Variants in CSMD1 observed in about 807,000 individuals in gnomAD.
CSMD1 encodes CUB and sushi domain-containing protein 1.
In CSMD1, 213 loss-of-function variants were observed where a neutral mutation model predicts 417.5. The ratio of observed to expected loss-of-function variants is 0.51; its 90% confidence interval spans 0.46 to 0.57. The LOEUF (loss-of-function observed/expected upper bound fraction) is 0.57, where lower values mean the gene tolerates loss of function less well. Among genes scored for constraint, CSMD1 ranks in the 20% least tolerant of loss-of-function variants. CSMD1 has a pLI of 0.00. For synonymous variants in CSMD1, 2,862 were observed against 1,736.8 expected (o/e 1.65, Z -16.11); for missense variants, 6,923 against 4,529.7 (o/e 1.53, Z -15.17).
intron 2 of CSMD1, among the ~76,000 whole-genome samples, chr8:4,458,744 C>G (rs185782388): frequency 1.8e-3 from 268 of 152,200 alleles, no homozygotes; most frequent in African/African-American, 6.1e-3. Flanking sequence ...CCTTTTGTTA[C>G]TTACAAAAAC....
intron 3 of CSMD1, among the ~76,000 whole-genome samples, chr8:4,171,708 A>G (rs937922740): frequency 2.0e-5 from 3 of 149,458 alleles, no homozygotes; most frequent in Non-Finnish European, 4.4e-5. Flanking sequence ...GCTTATTCTG[A>G]TATTTATGTG....
intron 1 of CSMD1, among the ~76,000 whole-genome samples, chr8:4,923,242 C>T (rs1347558042): frequency 2.0e-5 from 3 of 152,148 alleles, no homozygotes; most frequent in African/African-American, 7.2e-5. Flanking sequence ...CATTAAACAG[C>T]TGTCCTTTCT....
At chr8:3,081,273 G>A (rs149392242) in intron 49 of CSMD1, among the ~76,000 whole-genome samples, 4 of 152,050 alleles carry the variant, frequency 2.6e-5, no homozygotes, top group Admixed American at 6.5e-5. Context: ...GGAGAAGAAC[G>A]AATGTCCTTT....
chr8:3,701,080 G>C (rs1007401595), intron 7 of CSMD1, among the ~76,000 whole-genome samples: 2 of 152,000 alleles, frequency 1.3e-5, no homozygotes, highest in African/African-American at 2.4e-5. Flanking sequence ...TGCTGTGAAG[G>C]TCTAGGGACT....
chr8:3,188,836 C>G, intron 35 of CSMD1, 51 bp downstream of exon 35: 2 of 1,402,680 alleles, frequency 1.4e-6, no homozygotes, highest in Non-Finnish European at 1.9e-6. Context: ...AGAAAGAAGC[C>G]CATGGACCCC....
chr8:4,751,833 T>G (rs1811347083), intron 1 of CSMD1, among the ~76,000 whole-genome samples: 6 of 152,196 alleles, frequency 3.9e-5, no homozygotes, highest in Admixed American at 3.9e-4. Context: ...TTCGGTTTCA[T>G]GTTCTCTGTC....
intron 7 of CSMD1, among the ~76,000 whole-genome samples, chr8:3,682,829 T>C (rs1262222044): frequency 6.6e-6 from 1 of 152,158 alleles, no homozygotes; most frequent in Non-Finnish European, 1.5e-5. Context: ...TAAGAAAATG[T>C]GGCACATATA....
At chr8:4,358,591 G>T (rs973074007) in intron 3 of CSMD1, among the ~76,000 whole-genome samples, 2 of 152,140 alleles carry the variant, frequency 1.3e-5, no homozygotes, top group Non-Finnish European at 2.9e-5. Context: ...AAGAAAAAGT[G>T]TGCTGAAAGT....
chr8:4,287,204 G>A (rs1011610570), intron 3 of CSMD1, among the ~76,000 whole-genome samples: 3 of 152,158 alleles, frequency 2.0e-5, no homozygotes, highest in Non-Finnish European at 4.4e-5. Flanking sequence ...TACTCACATA[G>A]CTAATTAGAT....
chr8:3,971,165 G>A (rs1002543032), intron 5 of CSMD1, among the ~76,000 whole-genome samples: 16 of 152,058 alleles, frequency 1.1e-4, no homozygotes, highest in Admixed American at 3.9e-4. Flanking sequence ...CTGCCTCCTG[G>A]CATGATGGAG....
chr8:3,619,480 T>C (rs1364399636), intron 7 of CSMD1, among the ~76,000 whole-genome samples: 5 of 152,160 alleles, frequency 3.3e-5, no homozygotes, highest in Admixed American at 2.6e-4. Context: ...TGAAGAAATA[T>C]ATGCATCAGA....
intron 5 of CSMD1, among the ~76,000 whole-genome samples, chr8:3,985,666 G>A (rs74380917): frequency 2.0e-5 from 3 of 152,164 alleles, no homozygotes; most frequent in South Asian, 4.1e-4. Context: ...CTAGGTTGAT[G>A]CTAGAATTCT....
At chr8:3,131,256 G>C (rs1817776609) in intron 41 of CSMD1, among the ~76,000 whole-genome samples, 1 of 151,846 alleles carries the variant, frequency 6.6e-6, no homozygotes, top group African/African-American at 2.4e-5. Flanking sequence ...AAACCATGGT[G>C]TAGTAACATT....
chr8:3,366,413 C>G (rs1809570044), intron 20 of CSMD1, among the ~76,000 whole-genome samples: 1 of 152,110 alleles, frequency 6.6e-6, no homozygotes. Context: ...TGTCATAGAA[C>G]TATACAAATT....
At chr8:4,842,500 T>A (rs1028653135) in intron 1 of CSMD1, among the ~76,000 whole-genome samples, 2 of 152,178 alleles carry the variant, frequency 1.3e-5, no homozygotes, top group Non-Finnish European at 2.9e-5. Context: ...TTTCAGGAAA[T>A]GACTTACTAA....
At chr8:3,758,523 C>T (rs1302660171) in intron 5 of CSMD1, among the ~76,000 whole-genome samples, 1 of 152,166 alleles carries the variant, frequency 6.6e-6, no homozygotes, top group Non-Finnish European at 1.5e-5. Flanking sequence ...AGGAGCTAAT[C>T]TTATAGCTCT....
chr8:4,757,778 G>T (rs1811759162), intron 1 of CSMD1, among the ~76,000 whole-genome samples: 1 of 151,908 alleles, frequency 6.6e-6, no homozygotes, highest in South Asian at 2.1e-4. Flanking sequence ...GGCCAACATG[G>T]TGAAACCCTG....
At chr8:4,148,697 T>G (rs1219389462) in intron 3 of CSMD1, among the ~76,000 whole-genome samples, 1 of 152,024 alleles carries the variant, frequency 6.6e-6, no homozygotes, top group Non-Finnish European at 1.5e-5. Context: ...GTAAGGGCAC[T>G]CAGCCCACAG....
chr8:3,258,425 C>G (rs1049563751), intron 26 of CSMD1, among the ~76,000 whole-genome samples: 2 of 152,028 alleles, frequency 1.3e-5, no homozygotes, highest in Non-Finnish European at 2.9e-5. Flanking sequence ...ATGGCTATTA[C>G]TGAAAAACCG....
Sources: allele counts gnomAD v4.1 joint callset (sites outside exome capture counted in the v4.1 genomes callset), GRCh38; gene constraint gnomAD v4.1.1; transcripts MANE v1.5; gene names NCBI Gene and HGNC (gene_info 2026-07-23, HGNC 2026-07-21).